MYZAP: variants seen among roughly 807,000 people sequenced by gnomAD.
MYZAP encodes the protein GRINL1A complex locus upstream.
MYZAP carries 66 observed loss-of-function variants against 69.4 expected under a neutral mutation model. The ratio of observed to expected loss-of-function variants is 0.95; its 90% confidence interval spans 0.78 to 1.17. The LOEUF is 1.17. Among genes scored for constraint, MYZAP ranks in the 50% most tolerant of loss-of-function variants. MYZAP has a pLI of 0.00. For missense variants in MYZAP, 611 were observed against 556.2 expected, an observed-to-expected ratio of 1.10 and a Z score of -0.99; for synonymous variants, 256 against 205.9, an observed-to-expected ratio of 1.24 and a Z score of -2.09.
At chr15:57,650,482 A>G (rs1269973569) in intron 10 of MYZAP, among the ~76,000 whole-genome samples, 1 of 152,226 alleles carries the variant, frequency 6.6e-6, no homozygotes, top group Non-Finnish European at 1.5e-5. Flanking sequence ...AGAAGCTGGG[A>G]AACTTAGTGG....
At chr15:57,664,415 A>G (rs1413180716) in intron 11 of MYZAP, among the ~76,000 whole-genome samples, 5 of 152,150 alleles carry the variant, frequency 3.3e-5, no homozygotes, top group African/African-American at 1.2e-4. Flanking sequence ...GGTGACATTC[A>G]AATACTTGGT....
intron 10 of MYZAP, among the ~76,000 whole-genome samples, chr15:57,642,311 T>G (rs2037206476): frequency 6.6e-6 from 1 of 152,256 alleles, no homozygotes; most frequent in Admixed American, 6.5e-5. Flanking sequence ...CTTATCATTA[T>G]GTTGCATAAT....
intron 1 of MYZAP, among the ~76,000 whole-genome samples, chr15:57,592,793 TA>T (rs2033766819): frequency 6.6e-6 from 1 of 152,202 alleles, no homozygotes; most frequent in African/African-American, 2.4e-5. Flanking sequence ...AGATGCTCTG[TA>T]AAAGAAATGC....
In MYZAP at chr15:57,632,864, C is replaced by A. The variant is rs116682690; in HGVS notation, c.804+305C>A. Among the ~76,000 whole-genome samples, 1,177 of 152,252 alleles carry A rather than the reference C, an allele frequency of 7.7e-3. 19 individuals carry two copies. The highest frequency in any genetic ancestry group is 0.027 in the African/African-American group (1,112 of 41,546). ...TGGGCTTGCCCGCAGCTGTGCCCTC[C>A]CTCCCTCCATTTGGTTCTCTCTACC... On this transcript the variant is annotated intron_variant, in intron 7 of 12. Transcript: ENST00000267853.
At position 57,592,069 on chromosome 15, in the gene MYZAP, C is replaced by A. The variant is rs1946818955; in HGVS notation, c.35C>A (p.Ser12Ter). The A allele has an allele frequency of 7.2e-7, 1 of 1,393,276 alleles. No homozygotes were observed. The highest frequency in any genetic ancestry group is 9.3e-7 in the Non-Finnish European group (1 of 1,077,264). 86.3% of individuals were successfully genotyped at this position (1,393,276 alleles called of 1,614,324 possible). Residue 12 changes from serine (S) to a stop codon, truncating the protein, a stop_gained, in exon 1 of 13, where the codon TCG (serine) becomes TAG (stop). Coordinates refer to ENST00000267853, the MANE Select transcript of MYZAP (RefSeq NM_001018100.5). LOFTEE classifies it high-confidence loss of function. ...LRSTSTVTLL[S>*]GGAARTPGAP... ...TCCACGTCCACGGTCACCCTGCTCTCGGGCGGCGCCGCCAGGACGCCCGGG... is the reference window on the plus strand; with the variant it reads ...TCCACGTCCACGGTCACCCTGCTCTAGGGCGGCGCCGCCAGGACGCCCGGG...
intron 2 of MYZAP, among the ~76,000 whole-genome samples, chr15:57,608,805 CTGTCTTTAT>C (rs1477113991): frequency 1.3e-5 from 2 of 152,188 alleles, no homozygotes; most frequent in Non-Finnish European, 2.9e-5. Context: ...CTGAAGCTGC[CTGTCTTTAT>C]TTTCCAAACA....
chr15:57,593,190 A>ATGCGCGCGCGCGCACG lies in MYZAP; in HGVS notation c.75+1081_75+1082insTGCGCGCGCGCGCACG. 1.8e-5 allele frequency among the ~76,000 whole-genome samples: 2 copies of ATGCGCGCGCGCGCACG among 108,332 alleles called. 1 individual carries two copies. The highest frequency in any genetic ancestry group is 6.4e-4 in the South Asian group (2 of 3,116). 71.1% of individuals were successfully genotyped at this position (108,332 alleles called of 152,430 possible). A position where few individuals can be genotyped will look rare whatever the true frequency, so the allele number is the denominator to read the frequency against. On this transcript the variant is annotated intron_variant, in intron 1 of 12. Coordinates refer to ENST00000267853, the MANE Select transcript of MYZAP (RefSeq NM_001018100.5). ...ACACTTAGGTTGTGTACACAGGCGC[A>ATGCGCGCGCGCGCACG]CACACACACACACACACACACACAC...
intron 7 of MYZAP, 35 bp downstream of exon 7, chr15:57,632,594 G>T: frequency 6.2e-7 from 1 of 1,611,140 alleles, no homozygotes; most frequent in African/African-American, 1.3e-5. Flanking sequence ...TAAACTTACC[G>T]GGAATTGTTG....
chr15:57,678,943 G>A (rs1206035234), intron 12 of MYZAP, among the ~76,000 whole-genome samples: 5 of 152,030 alleles, frequency 3.3e-5, no homozygotes, highest in East Asian at 1.9e-4. Context: ...TTGGGAGGCC[G>A]AGGCGGGCGG....
At position 57,609,016 on chromosome 15, in the gene MYZAP, C is replaced by A. The variant is rs761932877; in HGVS notation, c.162+4661C>A. Among the ~76,000 whole-genome samples, 4 of 152,200 alleles carry A rather than the reference C, an allele frequency of 2.6e-5. No individual in the cohort carries two copies. The East Asian group carries it at 7.7e-4, about 29-fold the overall frequency. On this transcript the variant is annotated intron_variant, in intron 2 of 12. Transcript: ENST00000267853. ...CACTCTTCCCTTAACCTACAGGACACCCAGGCTGCCCCTTTCACTTGGCAC... is the reference window on the plus strand; with the variant it reads ...CACTCTTCCCTTAACCTACAGGACAACCAGGCTGCCCCTTTCACTTGGCAC...
At chr15:57,593,188 G>GCACACACACACACACA (rs199705290) in intron 1 of MYZAP, among the ~76,000 whole-genome samples, 3 of 114,200 alleles carry the variant, frequency 2.6e-5, no homozygotes, top group Admixed American at 1.7e-4. Flanking sequence ...GTACACAGGC[G>GCACACACACACACACA]CACACACACA....
intron 2 of MYZAP, among the ~76,000 whole-genome samples, chr15:57,617,806 T>C (rs937253): frequency 0.47 from 71,471 of 152,004 alleles, 17,347 homozygotes; most frequent in African/African-American, 0.57. Flanking sequence ...GGCCCTTATA[T>C]ACATTAGCAA....
At chr15:57,685,364 ATGT>A (rs1223178798), downstream of MYZAP, 1 of 152,152 alleles carries the variant, frequency 6.6e-6, no homozygotes, top group East Asian at 1.9e-4. Context: ...TGTTCTACTA[ATGT>A]TGTCTCTCTG....
In MYZAP at chr15:57,621,693, A is replaced by C; in HGVS notation, c.404A>C (p.Glu135Ala). Residue 135 changes from glutamate to alanine, a missense_variant, in exon 4 of 13, where the codon GAA becomes GCA. Physicochemically the swap from Glu to Ala is moderately radical, Grantham distance 107. Coordinates refer to ENST00000267853, the MANE Select transcript of MYZAP (RefSeq NM_001018100.5). ...CAGAAGATTCGACAGCTCACCCAGG[A>C]ACTATCAGTAAGTCATTATCTCAGT... Reference protein sequence around the residue: ...MRQKIRQLTQELSVSHAQQEY... With the variant: ...MRQKIRQLTQALSVSHAQQEY... 1 of 1,613,814 alleles carries C rather than the reference A, an allele frequency of 6.2e-7. No homozygotes were observed. Among genetic ancestry groups the C allele is most frequent in the Non-Finnish European group, 8.5e-7 (1 of 1,179,760 alleles).
At chr15:57,643,296 G>A (rs541931737) in intron 10 of MYZAP, among the ~76,000 whole-genome samples, 13 of 152,212 alleles carry the variant, frequency 8.5e-5, no homozygotes, top group South Asian at 6.2e-4. Flanking sequence ...GACATGGGCC[G>A]TGCTGGCACG....
chr15:57,611,793 TC>T (rs1431922580), intron 2 of MYZAP, among the ~76,000 whole-genome samples: 1 of 152,140 alleles, frequency 6.6e-6, no homozygotes, highest in Non-Finnish European at 1.5e-5. Flanking sequence ...CAGTGGCTAT[TC>T]CCAGGTGCAA....
chr15:57,593,430 C>T (rs1487281924), intron 1 of MYZAP, among the ~76,000 whole-genome samples: 1 of 152,108 alleles, frequency 6.6e-6, no homozygotes, highest in Non-Finnish European at 1.5e-5. Flanking sequence ...GAAAAGCTAA[C>T]CCTGAGCCCT....
At chr15:57,658,772 C>T (rs2038132779) in intron 10 of MYZAP, among the ~76,000 whole-genome samples, 1 of 152,066 alleles carries the variant, frequency 6.6e-6, no homozygotes, top group Admixed American at 6.6e-5. Context: ...TGGTGACAAC[C>T]CAAAACATGA....
intron 12 of MYZAP, among the ~76,000 whole-genome samples, chr15:57,677,669 A>G (rs2039209143): frequency 6.6e-6 from 1 of 152,204 alleles, no homozygotes; most frequent in Non-Finnish European, 1.5e-5. Flanking sequence ...AGCCTGAGTT[A>G]TGCAGAAGCG....
Sources: gnomAD v4.1 joint callset for allele counts (sites outside exome capture counted in the v4.1 genomes callset) on GRCh38, gnomAD v4.1.1 for gene constraint, MANE v1.5 for transcripts, NCBI Gene and HGNC (gene_info 2026-07-23, HGNC 2026-07-21) for gene names.